The following SLK variants were observed in gnomAD, a reference collection of about 807,000 sequenced individuals.
The protein encoded by SLK is STE20 like kinase.
In SLK, 67 loss-of-function variants were observed where a neutral mutation model predicts 147.7. The observed-to-expected ratio is 0.45, with a 90% CI of 0.37 to 0.56. The LOEUF (loss-of-function observed/expected upper bound fraction) is 0.56. SLK is among the 20% of genes least tolerant of loss of function. The pLI is 0.00. For missense variants in SLK, 1,136 were observed against 1,438.8 expected, an observed-to-expected ratio of 0.79 and a Z score of 3.41; for synonymous variants, 441 against 475.0, an observed-to-expected ratio of 0.93 and a Z score of 0.93.
At chr10:104,020,933 T>A (rs1844525521) in intron 17 of SLK, among the ~76,000 whole-genome samples, 1 of 152,170 alleles carries the variant, frequency 6.6e-6, no homozygotes, top group Non-Finnish European at 1.5e-5. Context: ...ATGTAGACAG[T>A]TTTGTTGTCA....
In SLK at chr10:103,967,638, C is replaced by T; in HGVS notation, c.-108C>T. On this transcript the variant is annotated 5_prime_UTR_variant, in exon 1 of 19. Transcript: ENST00000369755. The stretch of plus-strand genomic sequence containing the variant: ...CGGAGCTGCGGGGGCCGAGGGACGC[C>T]GCGCCCGCCGCCGCCAGCCGGGCTC... The T allele has an allele frequency of 2.0e-6, 2 of 1,008,138 alleles. No individual in the cohort carries two copies. Among genetic ancestry groups the T allele is most frequent in the Non-Finnish European group, 2.6e-6 (2 of 756,018 alleles). The allele number at this position is 1,008,138 out of a possible 1,614,324, so 62.4% of individuals were successfully genotyped here. A position where few individuals can be genotyped will look rare whatever the true frequency, so the allele number is the denominator to read the frequency against.
intron 1 of SLK, among the ~76,000 whole-genome samples, chr10:103,984,557 G>C (rs1843988152): frequency 1.3e-5 from 2 of 152,088 alleles, no homozygotes; most frequent in Admixed American, 1.3e-4. Context: ...GGGATTACAG[G>C]CGTGCACCAC....
chr10:103,998,157 A>T (rs1035436437), intron 4 of SLK, among the ~76,000 whole-genome samples: 33 of 152,204 alleles, frequency 2.2e-4, no homozygotes, highest in African/African-American at 7.2e-4. Context: ...AGAATTGTGA[A>T]TATGGCTAAT....
chr10:103,993,311 A>G (rs1015428863), intron 4 of SLK, among the ~76,000 whole-genome samples, 178 bp downstream of exon 4: 1 of 152,158 alleles, frequency 6.6e-6, no homozygotes, highest in Non-Finnish European at 1.5e-5. Flanking sequence ...TAATTTCTAA[A>G]TATCAGCACC....
At chr10:103,994,412 G>T (rs1844139174) in intron 4 of SLK, among the ~76,000 whole-genome samples, 1 of 152,072 alleles carries the variant, frequency 6.6e-6, no homozygotes, top group Admixed American at 6.5e-5. Flanking sequence ...TAGTCACCCA[G>T]TATTCATCTC....
intron 4 of SLK, among the ~76,000 whole-genome samples, chr10:103,996,922 A>C (rs957844765): frequency 6.6e-6 from 1 of 152,206 alleles, no homozygotes; most frequent in Non-Finnish European, 1.5e-5. Context: ...AGGAAAATAT[A>C]TACAACATAA....
At chr10:104,016,094 G>A (rs1046984447) in intron 13 of SLK, among the ~76,000 whole-genome samples, 2 of 152,024 alleles carry the variant, frequency 1.3e-5, no homozygotes, top group African/African-American at 4.8e-5. Flanking sequence ...CGAGGTGGGC[G>A]AATCACAAGG....
At chr10:103,984,185 C>A (rs2487991) in intron 1 of SLK, among the ~76,000 whole-genome samples, 32,481 of 151,938 alleles carry the variant, frequency 0.21, 3,849 homozygotes, top group African/African-American at 0.32. Context: ...TCTAATAGCA[C>A]GATGGATATT....
chr10:104,016,679 C>A (rs1464419246), intron 13 of SLK, among the ~76,000 whole-genome samples: 2 of 152,078 alleles, frequency 1.3e-5, no homozygotes, highest in Non-Finnish European at 2.9e-5. Flanking sequence ...ATTTACAACA[C>A]CAAATTAGTT....
intron 1 of SLK, among the ~76,000 whole-genome samples, chr10:103,973,085 T>G (rs1843815634): frequency 6.6e-6 from 1 of 152,232 alleles, no homozygotes; most frequent in Admixed American, 6.5e-5. Context: ...TGTGTTATGT[T>G]TAAGACATTT....
chr10:104,003,863 G>T (rs1408927136), intron 9 of SLK, among the ~76,000 whole-genome samples: 1 of 152,176 alleles, frequency 6.6e-6, no homozygotes, highest in Admixed American at 6.6e-5. Context: ...TTGAAAGAAT[G>T]ATGTCTTTTT....
At position 104,026,656 on chromosome 10, in the gene SLK, T is replaced by A. The variant is rs1335256104; in HGVS notation, c.*936T>A. 6.6e-6 allele frequency: 1 copy of A among 152,208 alleles called. No homozygotes were observed. Among genetic ancestry groups the A allele is most frequent in the Non-Finnish European group, 1.5e-5 (1 of 68,036 alleles). The allele number at this position is 152,208 out of a possible 1,614,324, so 9.4% of individuals were successfully genotyped here. On this transcript the variant is annotated 3_prime_UTR_variant, in exon 19 of 19. Coordinates refer to ENST00000369755, the MANE Select transcript of SLK (RefSeq NM_014720.4). ...TCTCTCCATCTTAGCTAATTCTGTTTAAAACTCTGTCAGAGGCCTGCAGGC... is the reference window on the plus strand; with the variant it reads ...TCTCTCCATCTTAGCTAATTCTGTTAAAAACTCTGTCAGAGGCCTGCAGGC...
At chr10:104,021,779 G>A (rs371222346) in intron 18 of SLK, 46 bp downstream of exon 18, 20 of 992,816 alleles carry the variant, frequency 2.0e-5, no homozygotes, top group South Asian at 4.1e-5. Flanking sequence ...GTACTCGTCC[G>A]TCTACCCAGC....
In SLK at chr10:104,027,501, A is replaced by G. The variant is rs1844613816; in HGVS notation, c.*1781A>G. ...TTGAAAAATGTTTTGAAAGCCTTTTAAAATATATATCTTTATAAAGTAATA... is the reference window on the plus strand; with the variant it reads ...TTGAAAAATGTTTTGAAAGCCTTTTGAAATATATATCTTTATAAAGTAATA... On this transcript the variant is annotated 3_prime_UTR_variant, in exon 19 of 19. Coordinates refer to ENST00000369755, the MANE Select transcript of SLK (RefSeq NM_014720.4). The G allele has an allele frequency of 6.6e-6, 1 of 152,564 alleles. No individual in the cohort carries two copies. The highest frequency in any genetic ancestry group is 2.4e-5 in the African/African-American group (1 of 41,430). 9.5% of individuals were successfully genotyped at this position (152,564 alleles called of 1,614,324 possible).
At chr10:104,007,768 CAAATAAAT>C (rs58270517) in intron 11 of SLK, among the ~76,000 whole-genome samples, 18 of 147,404 alleles carry the variant, frequency 1.2e-4, no homozygotes, top group Non-Finnish European at 2.2e-4. Flanking sequence ...CCTATCTCTC[CAAATAAAT>C]AAATAAATAA....
chr10:104,018,081 TA>T, intron 13 of SLK, 78 bp from the exon 14 acceptor site: 1 of 1,189,468 alleles, frequency 8.4e-7, no homozygotes, highest in Non-Finnish European at 1.2e-6. Context: ...TGTTAACCAC[TA>T]ATATATACAG....
At chr10:103,989,294 G>A (rs1844057525) in intron 1 of SLK, among the ~76,000 whole-genome samples, 1 of 152,072 alleles carries the variant, frequency 6.6e-6, no homozygotes, top group South Asian at 2.1e-4. Flanking sequence ...TGTCATCAGG[G>A]AATTGTAAAT....
intron 1 of SLK, among the ~76,000 whole-genome samples, chr10:103,976,122 C>T (rs1160043447): frequency 1.3e-5 from 2 of 152,168 alleles, no homozygotes; most frequent in East Asian, 3.9e-4. Context: ...AGGCTGGTCT[C>T]AAATTCTTAG....
chr10:104,025,792 C>T lies in SLK; in HGVS notation c.*72C>T. The T allele has an allele frequency of 7.5e-7, 1 of 1,324,900 alleles. No homozygotes were observed. Among genetic ancestry groups the T allele is most frequent in the Non-Finnish European group, 1.1e-6 (1 of 941,984 alleles). 82.1% of individuals were successfully genotyped at this position (1,324,900 alleles called of 1,614,324 possible). A position where few individuals can be genotyped will look rare whatever the true frequency, so the allele number is the denominator to read the frequency against. Reference sequence around the variant, plus strand: ...TTCTGTTCTCATCTTCTGCCACAGTCTCTCAGATAGCTCATGAAGACAATC... The same window carrying T: ...TTCTGTTCTCATCTTCTGCCACAGTTTCTCAGATAGCTCATGAAGACAATC... On this transcript the variant is annotated 3_prime_UTR_variant, in exon 19 of 19. Transcript: ENST00000369755.
Sources: gnomAD v4.1 joint callset for allele counts (sites outside exome capture counted in the v4.1 genomes callset) on GRCh38, gnomAD v4.1.1 for gene constraint, MANE v1.5 for transcripts, NCBI Gene and HGNC (gene_info 2026-07-23, HGNC 2026-07-21) for gene names.